The following OSBPL6 variants were observed in gnomAD, a reference collection of about 807,000 sequenced individuals.
The protein encoded by OSBPL6 is oxysterol-binding protein-related protein 6.
In OSBPL6, 49 loss-of-function variants were observed where a neutral mutation model predicts 125.8. The ratio of observed to expected loss-of-function variants is 0.39; its 90% CI spans 0.31 to 0.49. The LOEUF is 0.49. OSBPL6 is among the 20% of genes least tolerant of loss of function. OSBPL6 has a pLI of 0.88. For synonymous variants in OSBPL6, 394 were observed against 391.8 expected, an observed-to-expected ratio of 1.01 and a Z score of -0.07; for missense variants, 986 against 1,135.4, an observed-to-expected ratio of 0.87 and a Z score of 1.89.
chr2:178,376,642 G>A (rs1353681528), intron 15 of OSBPL6, among the ~76,000 whole-genome samples: 9 of 152,124 alleles, frequency 5.9e-5, no homozygotes, highest in Non-Finnish European at 1.0e-4. Context: ...AGTGTCCTTA[G>A]GATAATATTC....
chr2:178,315,642 G>C (rs925263599), intron 3 of OSBPL6, among the ~76,000 whole-genome samples: 1 of 152,134 alleles, frequency 6.6e-6, no homozygotes. Context: ...TTGTTACCTT[G>C]AGATGACTGG....
chr2:178,343,857 G>T (rs1433344613), intron 11 of OSBPL6, among the ~76,000 whole-genome samples: 1 of 151,246 alleles, frequency 6.6e-6, no homozygotes. Context: ...CCATTATGAG[G>T]CTCTCATTAC....
At chr2:178,286,988 A>G (rs334630) in intron 2 of OSBPL6, among the ~76,000 whole-genome samples, 74,991 of 151,956 alleles carry the variant, frequency 0.49, 18,730 homozygotes, top group Admixed American at 0.52. Flanking sequence ...GTTTCTGTCA[A>G]TTTGATATTG....
chr2:178,198,535 G>T (rs959659478), intron 1 of OSBPL6, among the ~76,000 whole-genome samples: 1 of 151,604 alleles, frequency 6.6e-6, no homozygotes, highest in Non-Finnish European at 1.5e-5. Context: ...GACCTCATGA[G>T]GTCTGACCCA....
intron 1 of OSBPL6, among the ~76,000 whole-genome samples, chr2:178,201,565 A>G (rs1189931219): frequency 6.6e-6 from 1 of 152,204 alleles, no homozygotes; most frequent in Non-Finnish European, 1.5e-5. Flanking sequence ...TAGTGGCTCA[A>G]TATCTAAGAC....
intron 1 of OSBPL6, among the ~76,000 whole-genome samples, chr2:178,229,613 TG>T (rs1160256075): frequency 6.6e-6 from 1 of 152,176 alleles, no homozygotes; most frequent in African/African-American, 2.4e-5. Context: ...GTGGATCTTT[TG>T]AGCTCAGGAG....
chr2:178,204,788 T>C (rs2089445988), intron 1 of OSBPL6, among the ~76,000 whole-genome samples: 1 of 152,156 alleles, frequency 6.6e-6, no homozygotes, highest in Non-Finnish European at 1.5e-5. Context: ...GAGCTTACCA[T>C]TGGAAGCCCA....
At chr2:178,312,530 T>C (rs750483973) in intron 3 of OSBPL6, among the ~76,000 whole-genome samples, 2 of 145,816 alleles carry the variant, frequency 1.4e-5, no homozygotes, top group South Asian at 2.2e-4. Flanking sequence ...ATCTCAGCTC[T>C]TTGCAACCTC....
intron 3 of OSBPL6, among the ~76,000 whole-genome samples, chr2:178,308,817 TCA>T (rs143168135): frequency 0.18 from 26,720 of 152,032 alleles, 2,528 homozygotes; most frequent in Admixed American, 0.24. Flanking sequence ...CAGCTCCCTC[TCA>T]CAGCTCTCAT....
chr2:178,199,964 A>AT (rs2089151834), intron 1 of OSBPL6, among the ~76,000 whole-genome samples: 1 of 152,150 alleles, frequency 6.6e-6, no homozygotes, highest in South Asian at 2.1e-4. Flanking sequence ...CTAACTGACA[A>AT]TTATTTCTCT....
At position 178,339,718 on chromosome 2, in the gene OSBPL6, G is replaced by A. The variant is rs1294595369; in HGVS notation, c.941G>A (p.Arg314Gln). 1.2e-6 allele frequency: 2 copies of A among 1,606,140 alleles called. No individual in the cohort carries two copies. Among genetic ancestry groups the A allele is most frequent in the African/African-American group, 1.3e-5 (1 of 74,594 alleles). ...ISKKDKRVTRRWRTKSVSKDT... is the reference protein window; with the variant it reads ...ISKKDKRVTRQWRTKSVSKDT... The stretch of plus-strand genomic sequence containing the variant: ...AAGAAAGACAAGCGGGTCACAAGAC[G>A]ATGGAGAACAAAAAGTGTCAGCAAA... The change falls in exon 11 of 25, where the codon CGA becomes CAA. Residue 314 changes from arginine to glutamine, a missense_variant. This residue lies in a region of OSBPL6 where 843 missense variants were observed against 997.3 expected (regional missense o/e 0.85). Transcript: ENST00000190611.
intron 1 of OSBPL6, among the ~76,000 whole-genome samples, chr2:178,196,772 C>A (rs2088921969): frequency 6.6e-6 from 1 of 152,144 alleles, no homozygotes; most frequent in Admixed American, 6.5e-5. Flanking sequence ...GGCATACATT[C>A]TCAAAAGAAG....
chr2:178,367,021 T>C (rs901587637), intron 13 of OSBPL6, among the ~76,000 whole-genome samples: 4 of 152,156 alleles, frequency 2.6e-5, no homozygotes, highest in Non-Finnish European at 5.9e-5. Flanking sequence ...CTAGTAAAAA[T>C]CAGTAACAGC....
chr2:178,224,577 G>A (rs2090473595), intron 1 of OSBPL6, among the ~76,000 whole-genome samples: 4 of 152,178 alleles, frequency 2.6e-5, no homozygotes, highest in South Asian at 4.1e-4. Context: ...CAGAATTATA[G>A]GACGCATTTT....
chr2:178,239,848 C>T (rs903804591), intron 1 of OSBPL6, among the ~76,000 whole-genome samples: 31 of 151,606 alleles, frequency 2.0e-4, no homozygotes, highest in African/African-American at 7.5e-4. Context: ...AGGATGGTCT[C>T]GATTTCCTGA....
At chr2:178,225,560 G>A (rs2090525831) in intron 1 of OSBPL6, among the ~76,000 whole-genome samples, 1 of 152,146 alleles carries the variant, frequency 6.6e-6, no homozygotes, top group Non-Finnish European at 1.5e-5. Flanking sequence ...TGGGAGGTAG[G>A]GGCTGGTGCA....
chr2:178,344,378 T>C, intron 11 of OSBPL6: 1 of 1,612,258 alleles, frequency 6.2e-7, no homozygotes, highest in Non-Finnish European at 8.5e-7. Context: ...GATTTCAATC[T>C]CAAGTGGAAG....
intron 1 of OSBPL6, among the ~76,000 whole-genome samples, chr2:178,229,892 G>A (rs2153979113): frequency 6.6e-6 from 1 of 152,340 alleles, no homozygotes; most frequent in South Asian, 2.1e-4. Flanking sequence ...CACTCTGGAT[G>A]TGGGCCCAGT....
At chr2:178,307,428 C>T (rs1208336866) in intron 3 of OSBPL6, among the ~76,000 whole-genome samples, 2 of 152,124 alleles carry the variant, frequency 1.3e-5, no homozygotes, top group Non-Finnish European at 2.9e-5. Flanking sequence ...TGTTTCTACT[C>T]CAGGGTCTTG....
Sources: allele counts gnomAD v4.1 joint callset (sites outside exome capture counted in the v4.1 genomes callset), GRCh38; gene constraint gnomAD v4.1.1; regional missense constraint gnomAD v4.1.1; transcripts MANE v1.5; gene names NCBI Gene and HGNC (gene_info 2026-07-23, HGNC 2026-07-21).